Variants in CPQ observed in about 807,000 individuals in gnomAD.
The protein encoded by CPQ is Ser-Met dipeptidase.
CPQ carries 37 observed loss-of-function variants against 45.7 expected under a neutral mutation model. The observed-to-expected ratio is 0.81, with a 90% CI of 0.62 to 1.07. CPQ has a LOEUF of 1.07. Among genes scored for constraint, CPQ ranks in the 50% least tolerant of loss-of-function variants. CPQ has a pLI of 0.00. For missense variants in CPQ, 537 were observed against 572.9 expected, an observed-to-expected ratio of 0.94 and a Z score of 0.64; for synonymous variants, 186 against 205.8, an observed-to-expected ratio of 0.90 and a Z score of 0.82.
intron 5 of CPQ, among the ~76,000 whole-genome samples, chr8:97,016,175 T>G (rs1273772901): frequency 6.6e-6 from 1 of 152,212 alleles, no homozygotes; most frequent in Non-Finnish European, 1.5e-5. Context: ...AAAATTTTGG[T>G]GACCATTACA....
rs1016889432 is a variant in CPQ at position 96,779,505 on chromosome 8, A to G, written c.-34-5359A>G. ...TCAGTCAAATTACCTGGTTGATTAT[A>G]GTTTCAGGTTTATCTGCTGCCTGGG... On this transcript the variant is annotated intron_variant, in intron 1 of 7. Coordinates refer to ENST00000220763, the MANE Select transcript of CPQ (RefSeq NM_016134.4). 2.0e-5 allele frequency among the ~76,000 whole-genome samples: 3 copies of G among 152,246 alleles called. No homozygotes were observed. In the South Asian group the frequency reaches 6.2e-4, roughly 32 times the overall value.
intron 3 of CPQ, among the ~76,000 whole-genome samples, chr8:96,836,201 A>G (rs1811528547): frequency 6.6e-6 from 1 of 152,150 alleles, no homozygotes; most frequent in Admixed American, 6.5e-5. Flanking sequence ...TATTCTGCAC[A>G]ATTGCTATTT....
chr8:96,782,386 G>A (rs1315382220), intron 1 of CPQ, among the ~76,000 whole-genome samples: 1 of 152,114 alleles, frequency 6.6e-6, no homozygotes, highest in Non-Finnish European at 1.5e-5. Context: ...GCAGCTTAAG[G>A]GCACTGCACC....
At chr8:96,775,813 T>C (rs970323434) in intron 1 of CPQ, among the ~76,000 whole-genome samples, 1 of 152,268 alleles carries the variant, frequency 6.6e-6, no homozygotes, top group African/African-American at 2.4e-5. Flanking sequence ...ACCAGTAGAA[T>C]CTCCATACCA....
intron 3 of CPQ, among the ~76,000 whole-genome samples, chr8:96,861,114 T>C (rs763005792): frequency 2.0e-5 from 3 of 152,116 alleles, no homozygotes; most frequent in Non-Finnish European, 4.4e-5. Context: ...TTTGCACTAG[T>C]GATAGAAAAA....
intron 4 of CPQ, among the ~76,000 whole-genome samples, chr8:96,889,490 A>G (rs1254086846): frequency 1.3e-5 from 2 of 152,178 alleles, no homozygotes; most frequent in East Asian, 3.9e-4. Flanking sequence ...GGTTCTCTAG[A>G]GGGACAGAAC....
At chr8:96,712,879 T>G (rs1809631394) in intron 1 of CPQ, among the ~76,000 whole-genome samples, 1 of 152,092 alleles carries the variant, frequency 6.6e-6, no homozygotes, top group South Asian at 2.1e-4. Flanking sequence ...TCCCACAAAT[T>G]TTTTTTTCTA....
chr8:97,047,641 T>A (rs1222652297), intron 6 of CPQ, among the ~76,000 whole-genome samples: 1 of 152,144 alleles, frequency 6.6e-6, no homozygotes, highest in East Asian at 1.9e-4. Context: ...CAATGAGTTT[T>A]AAAAAAATAA....
intron 1 of CPQ, among the ~76,000 whole-genome samples, chr8:96,658,757 G>C (rs1239743077): frequency 6.6e-6 from 1 of 152,218 alleles, no homozygotes; most frequent in Non-Finnish European, 1.5e-5. Flanking sequence ...TGGCTTTGAA[G>C]ATGGAGGAAG....
intron 1 of CPQ, among the ~76,000 whole-genome samples, chr8:96,779,715 T>C (rs774934789): frequency 2.0e-5 from 3 of 152,224 alleles, no homozygotes; most frequent in Non-Finnish European, 4.4e-5. Flanking sequence ...AAGTAGATAT[T>C]TGTGGTTAGT....
chr8:96,749,832 T>A (rs1179581733), intron 1 of CPQ, among the ~76,000 whole-genome samples: 1 of 151,796 alleles, frequency 6.6e-6, no homozygotes, highest in African/African-American at 2.4e-5. Context: ...GTGTTTATAC[T>A]TTTTTTCCCA....
intron 5 of CPQ, among the ~76,000 whole-genome samples, chr8:96,994,126 T>C (rs1352189566): frequency 6.6e-6 from 1 of 152,106 alleles, no homozygotes; most frequent in East Asian, 1.9e-4. Context: ...AGTCACCAGA[T>C]AGAGGAGATC....
At chr8:96,686,719 T>C (rs1809233047) in intron 1 of CPQ, among the ~76,000 whole-genome samples, 1 of 150,578 alleles carries the variant, frequency 6.6e-6, no homozygotes, top group Admixed American at 6.8e-5. Context: ...GAAGATTTTC[T>C]TTTTTTTTCC....
chr8:97,100,403 A>G (rs10955102), intron 7 of CPQ, among the ~76,000 whole-genome samples: 15,972 of 152,154 alleles, frequency 0.1, 1,335 homozygotes, highest in African/African-American at 0.23. Flanking sequence ...AACCAGGCAA[A>G]GAGAGATGAG....
intron 6 of CPQ, among the ~76,000 whole-genome samples, chr8:97,042,096 C>A (rs1359115317): frequency 6.6e-6 from 1 of 152,252 alleles, no homozygotes; most frequent in African/African-American, 2.4e-5. Flanking sequence ...TAGAATTCAG[C>A]TGTGAATCCA....
intron 2 of CPQ, among the ~76,000 whole-genome samples, chr8:96,817,233 G>A (rs1387361542): frequency 6.6e-6 from 1 of 152,094 alleles, no homozygotes; most frequent in Non-Finnish European, 1.5e-5. Context: ...ATTAGCACTT[G>A]CTGCTTCACC....
At chr8:97,043,042 G>T (rs1810160180) in intron 6 of CPQ, among the ~76,000 whole-genome samples, 1 of 151,004 alleles carries the variant, frequency 6.6e-6, no homozygotes, top group Non-Finnish European at 1.5e-5. Context: ...GGGTATCCTT[G>T]TTAACTTTCT....
At chr8:96,935,944 C>CT (rs908122848) in intron 4 of CPQ, among the ~76,000 whole-genome samples, 10 of 149,994 alleles carry the variant, frequency 6.7e-5, no homozygotes, top group South Asian at 2.1e-4. Context: ...TTGTCTACCT[C>CT]TTTTTTTTTT....
chr8:96,824,349 A>G (rs533348972), intron 2 of CPQ, among the ~76,000 whole-genome samples: 1 of 152,202 alleles, frequency 6.6e-6, no homozygotes, highest in African/African-American at 2.4e-5. Flanking sequence ...ATTAAATAAT[A>G]CATGTTAAGA....
Sources: gnomAD v4.1 joint callset for allele counts (sites outside exome capture counted in the v4.1 genomes callset) on GRCh38, gnomAD v4.1.1 for gene constraint, MANE v1.5 for transcripts, NCBI Gene and HGNC (gene_info 2026-07-23, HGNC 2026-07-21) for gene names.